FUT8: variants seen among roughly 807,000 people sequenced by gnomAD.
FUT8 encodes the protein fucosyltransferase 8, also known as alpha-(1,6)-fucosyltransferase.
A neutral mutation model predicts 71.3 loss-of-function variants in FUT8; 29 were observed. The ratio of observed to expected loss-of-function variants is 0.41; its 90% CI spans 0.30 to 0.55. The LOEUF (loss-of-function observed/expected upper bound fraction) is 0.55, where lower values mean the gene tolerates loss of function less well. Among genes scored for constraint, FUT8 ranks in the 20% least tolerant of loss-of-function variants. The pLI is 0.34. For synonymous variants in FUT8, 254 were observed against 239.3 expected, an observed-to-expected ratio of 1.06 and a Z score of -0.57; for missense variants, 544 against 702.1, an observed-to-expected ratio of 0.77 and a Z score of 2.55.
chr14:65,441,964 C>CA (rs1442405325), intron 1 of FUT8, among the ~76,000 whole-genome samples: 3 of 151,976 alleles, frequency 2.0e-5, no homozygotes, highest in African/African-American at 7.2e-5. Flanking sequence ...AACCCCACGA[C>CA]AGGCCCCGGT....
chr14:65,686,718 GT>G (rs1488186436), intron 7 of FUT8, among the ~76,000 whole-genome samples: 3 of 152,006 alleles, frequency 2.0e-5, no homozygotes, highest in African/African-American at 7.2e-5. Context: ...ACAAGAAACT[GT>G]TTTTTTAAGA....
intron 2 of FUT8, among the ~76,000 whole-genome samples, chr14:65,510,602 T>C (rs1430865102): frequency 1.3e-5 from 2 of 152,142 alleles, no homozygotes; most frequent in Non-Finnish European, 2.9e-5. Flanking sequence ...TTCAATTTCA[T>C]TATTTATTAT....
chr14:65,495,184 TA>T (rs34401031), intron 2 of FUT8, among the ~76,000 whole-genome samples: 99,016 of 144,482 alleles, frequency 0.69, 33,694 homozygotes, highest in Non-Finnish European at 0.72. Context: ...GCTTTTCCCT[TA>T]AAAAAAAAAA....
At chr14:65,688,249 C>T (rs1239675998) in intron 7 of FUT8, among the ~76,000 whole-genome samples, 1 of 152,120 alleles carries the variant, frequency 6.6e-6, no homozygotes, top group East Asian at 1.9e-4. Context: ...ATTTATCCCT[C>T]CCCACCTGCC....
chr14:65,712,820 A>C (rs1269039074), intron 7 of FUT8, among the ~76,000 whole-genome samples: 1 of 152,176 alleles, frequency 6.6e-6, no homozygotes, highest in African/African-American at 2.4e-5. Context: ...AGGTAATGAG[A>C]TATTTTGATA....
At chr14:65,579,091 G>GTAATAGTTT (rs1886943059) in intron 3 of FUT8, among the ~76,000 whole-genome samples, 2 of 152,142 alleles carry the variant, frequency 1.3e-5, no homozygotes, top group East Asian at 3.9e-4. Context: ...TTACTTAATA[G>GTAATAGTTT]CACTTCAGAA....
the FUT8 span, among the ~76,000 whole-genome samples, chr14:65,382,685 A>T: frequency 4.6e-5 from 7 of 152,212 alleles, no homozygotes; most frequent in African/African-American, 1.7e-4. Flanking sequence ...TGTTTAATTG[A>T]TCTGGGGTTG....
chr14:65,719,234 G>C (rs1360493957), intron 7 of FUT8, among the ~76,000 whole-genome samples: 1 of 151,844 alleles, frequency 6.6e-6, no homozygotes, highest in Non-Finnish European at 1.5e-5. Context: ...TCTGCTTGAT[G>C]ACTTCTATTA....
chr14:65,581,241 A>T (rs1019273334), intron 3 of FUT8, among the ~76,000 whole-genome samples: 1 of 152,128 alleles, frequency 6.6e-6, no homozygotes, highest in African/African-American at 2.4e-5. Context: ...CATCTGATGC[A>T]CACTAAAATT....
chr14:65,573,170 T>C (rs1053628687), intron 3 of FUT8, among the ~76,000 whole-genome samples: 1 of 152,012 alleles, frequency 6.6e-6, no homozygotes, highest in African/African-American at 2.4e-5. Flanking sequence ...CAGCTAGAAG[T>C]CTATCATGTA....
chr14:65,692,130 C>G (rs1440541911), intron 7 of FUT8, among the ~76,000 whole-genome samples: 1 of 152,084 alleles, frequency 6.6e-6, no homozygotes, highest in Non-Finnish European at 1.5e-5. Context: ...ACCTCCCAGA[C>G]CGGGTGGTGG....
the FUT8 span, among the ~76,000 whole-genome samples, chr14:65,400,691 G>GC: frequency 1.3e-5 from 2 of 152,110 alleles, no homozygotes; most frequent in Non-Finnish European, 2.9e-5. Context: ...TTCAAGACCA[G>GC]CCTGGGCAAC....
intron 2 of FUT8, among the ~76,000 whole-genome samples, chr14:65,485,119 T>C (rs1384193176): frequency 6.6e-6 from 1 of 152,124 alleles, no homozygotes; most frequent in African/African-American, 2.4e-5. Flanking sequence ...GGAGAATTGC[T>C]TGAGCCCAGG....
the FUT8 span, among the ~76,000 whole-genome samples, chr14:65,372,040 C>T: frequency 6.6e-6 from 1 of 152,300 alleles, no homozygotes; most frequent in East Asian, 1.9e-4. Flanking sequence ...TTCATTTTCT[C>T]TCTTTCTGTA....
intron 1 of FUT8, among the ~76,000 whole-genome samples, chr14:65,415,709 T>C (rs1412125117): frequency 3.3e-5 from 5 of 150,358 alleles, no homozygotes; most frequent in Non-Finnish European, 7.4e-5. Flanking sequence ...AAAGTAGAGA[T>C]AATTCCAATA....
intron 3 of FUT8, among the ~76,000 whole-genome samples, chr14:65,601,677 G>T (rs998720962): frequency 2.0e-5 from 3 of 152,070 alleles, no homozygotes; most frequent in Admixed American, 1.3e-4. Context: ...CTGAATAAAA[G>T]ACATGCTATA....
At chr14:65,625,604 A>G (rs748645214) in intron 5 of FUT8, among the ~76,000 whole-genome samples, 3 of 152,236 alleles carry the variant, frequency 2.0e-5, no homozygotes, top group Non-Finnish European at 2.9e-5. Context: ...GCCTGTTTTA[A>G]AAGGGTGAAA....
intron 2 of FUT8, among the ~76,000 whole-genome samples, chr14:65,497,546 A>G (rs535127506): frequency 1.7e-4 from 26 of 152,180 alleles, no homozygotes; most frequent in African/African-American, 5.8e-4. Context: ...TGATTTTTAA[A>G]TATTTTTATT....
chr14:65,482,855 C>T (rs1157320032), intron 2 of FUT8, among the ~76,000 whole-genome samples: 1 of 152,096 alleles, frequency 6.6e-6, no homozygotes, highest in Non-Finnish European at 1.5e-5. Flanking sequence ...AGAAGTTTTG[C>T]TTGTTCGTTT....
Sources: gnomAD v4.1 joint callset for allele counts (sites outside exome capture counted in the v4.1 genomes callset) on GRCh38, gnomAD v4.1.1 for gene constraint, MANE v1.5 for transcripts, NCBI Gene and HGNC (gene_info 2026-07-23, HGNC 2026-07-21) for gene names.